The following SLC25A51 variants were observed in gnomAD, a reference collection of about 807,000 sequenced individuals.
SLC25A51 encodes the protein mitochondrial nicotinamide adenine dinucleotide transporter SLC25A51.
A neutral mutation model predicts 19.1 loss-of-function variants in SLC25A51; 11 were observed. The ratio of observed to expected loss-of-function variants is 0.58; its 90% CI spans 0.36 to 0.96. The LOEUF is 0.96. Among genes scored for constraint, SLC25A51 ranks in the 40% least tolerant of loss-of-function variants. The pLI is 0.01. For synonymous variants in SLC25A51, 105 were observed against 133.6 expected (o/e 0.79, Z 1.47); for missense variants, 201 against 365.4 (o/e 0.55, Z 3.67).
chr9:37,898,117 A>C (rs1159709202), intron 2 of SLC25A51, among the ~76,000 whole-genome samples: 1 of 152,206 alleles, frequency 6.6e-6, no homozygotes, highest in Non-Finnish European at 1.5e-5. Flanking sequence ...TTCCCATTAA[A>C]AATGGATTCC....
intron 1 of SLC25A51, among the ~76,000 whole-genome samples, chr9:37,902,985 C>T (rs1440804160): frequency 2.6e-5 from 4 of 152,194 alleles, no homozygotes; most frequent in African/African-American, 4.8e-5. Context: ...GTCCTAGTTA[C>T]GACACTAGCT....
chr9:37,900,855 T>A (rs1831831466), intron 1 of SLC25A51, among the ~76,000 whole-genome samples: 1 of 152,204 alleles, frequency 6.6e-6, no homozygotes, highest in Non-Finnish European at 1.5e-5. Context: ...TTACTATTTC[T>A]CAGTTTTGTT....
At chr9:37,880,359 T>C (rs373468758) in exon 4 of SLC25A51, 11 of 148,288 alleles carry the variant, frequency 7.4e-5, no homozygotes, top group African/African-American at 2.5e-4. Flanking sequence ...TGAAGGGAGA[T>C]AGGAACTGAG....
chr9:37,887,271 C>T (rs1339163877), downstream of SLC25A51, among the ~76,000 whole-genome samples: 4 of 150,752 alleles, frequency 2.7e-5, no homozygotes, highest in African/African-American at 9.8e-5. Flanking sequence ...GAGCCAAGAT[C>T]GTGCCACTGC....
chr9:37,888,688 A>G, intron 2 of SLC25A51, 96 bp from the exon 3 acceptor site: 1 of 981,854 alleles, frequency 1.0e-6, no homozygotes, highest in African/African-American at 1.6e-5. Flanking sequence ...TGGACACCAC[A>G]CTTTCCTTTT....
intron 1 of SLC25A51, among the ~76,000 whole-genome samples, chr9:37,902,815 T>C (rs1831876392): frequency 6.6e-6 from 1 of 152,236 alleles, no homozygotes; most frequent in Admixed American, 6.5e-5. Flanking sequence ...AACCTTATTA[T>C]AATTTACAGC....
downstream of SLC25A51, among the ~76,000 whole-genome samples, chr9:37,883,535 G>A (rs900585310): frequency 6.6e-6 from 1 of 152,230 alleles, no homozygotes; most frequent in Non-Finnish European, 1.5e-5. Flanking sequence ...CCTGTGTGGA[G>A]TGTAAAGACA....
downstream of SLC25A51, chr9:37,885,577 G>C (rs1831435284): frequency 2.9e-6 from 2 of 682,042 alleles, no homozygotes. Flanking sequence ...TTTTAGTAGA[G>C]ATGGGGTTTC....
downstream of SLC25A51, among the ~76,000 whole-genome samples, chr9:37,887,442 G>T (rs1831485329): frequency 6.6e-6 from 1 of 152,102 alleles, no homozygotes; most frequent in Non-Finnish European, 1.5e-5. Context: ...TTGAGAAGGG[G>T]TGAATAGAGG....
intron 1 of SLC25A51, among the ~76,000 whole-genome samples, chr9:37,902,496 G>C (rs1831868953): frequency 6.6e-6 from 1 of 152,336 alleles, no homozygotes; most frequent in East Asian, 1.9e-4. Context: ...CACCAGGATG[G>C]TGTGAATATG....
chr9:37,892,566 TA>T (rs1374154308), intron 2 of SLC25A51, among the ~76,000 whole-genome samples: 2 of 151,632 alleles, frequency 1.3e-5, no homozygotes. Context: ...ATTATATATA[TA>T]TATTTTTTTC....
At chr9:37,886,144 T>C, downstream of SLC25A51, 4 of 1,435,100 alleles carry the variant, frequency 2.8e-6, no homozygotes, top group Admixed American at 6.7e-5. Flanking sequence ...CCCTCACCAA[T>C]CAACTCCCTA....
chr9:37,879,162 G>C (rs1831306068), downstream of SLC25A51: 1 of 331,182 alleles, frequency 3.0e-6, no homozygotes, highest in African/African-American at 2.2e-5. Flanking sequence ...GAAATGCTGA[G>C]GATTAAAGCT....
chr9:37,883,686 T>C (rs917648158), downstream of SLC25A51, among the ~76,000 whole-genome samples: 3 of 151,900 alleles, frequency 2.0e-5, no homozygotes, highest in African/African-American at 7.3e-5. Flanking sequence ...ATTGAGGGGG[T>C]CAGGCACCAA....
At chr9:37,886,515 G>A, downstream of SLC25A51, 2 of 1,086,138 alleles carry the variant, frequency 1.8e-6, no homozygotes, top group East Asian at 5.2e-5. Context: ...GCAGTGCGCA[G>A]CTTCTGATTT....
rs1255524971 is a variant in SLC25A51, at chr9:37,888,603, T to C, written c.-42-11A>G. The C allele has an allele frequency of 1.9e-6, 3 of 1,542,398 alleles. No individual in the cohort carries two copies. Among genetic ancestry groups the C allele is most frequent in the East Asian group, 4.5e-5 (2 of 44,508 alleles). On this transcript the variant is annotated splice_polypyrimidine_tract_variant and intron_variant, in intron 2 of 2. Transcript: ENST00000242275. ...AGGACTTTTTTTAACCTACAAATAA[T>C]AAATGACAACGGGTAAACCCGTTTT... is the stretch of plus-strand genomic sequence containing the variant.
chr9:37,902,058 T>C (rs1014072190), intron 1 of SLC25A51, among the ~76,000 whole-genome samples: 1 of 152,234 alleles, frequency 6.6e-6, no homozygotes, highest in Non-Finnish European at 1.5e-5. Context: ...TTTATGAATG[T>C]CAAAACCATT....
Position 37,896,473 on chromosome 9 carries a change from T to C in SLC25A51, c.-43+3356A>G, listed in dbSNP as rs550512370. Among the ~76,000 whole-genome samples the C allele has an allele frequency of 7.2e-5, 11 of 152,302 alleles. No homozygotes were observed. The South Asian group carries it at 2.1e-3, about 29-fold the overall frequency. On this transcript the variant is annotated intron_variant, in intron 2 of 2. Coordinates refer to ENST00000242275, the MANE Select transcript of SLC25A51 (RefSeq NM_033412.4). ...TGTTGGTGTTTTATGGTGGAAGATGTATCCACAGAATGAGGCATATATATT... is the reference window on the plus strand; with the variant it reads ...TGTTGGTGTTTTATGGTGGAAGATGCATCCACAGAATGAGGCATATATATT...
At chr9:37,890,686 AC>A (rs1831563357) in intron 2 of SLC25A51, among the ~76,000 whole-genome samples, 1 of 148,042 alleles carries the variant, frequency 6.8e-6, no homozygotes, top group East Asian at 2.0e-4. Flanking sequence ...ACAGAGTAAT[AC>A]CCTGCTTTAA....
Sources: allele counts gnomAD v4.1 joint callset (sites outside exome capture counted in the v4.1 genomes callset), GRCh38; gene constraint gnomAD v4.1.1; transcripts MANE v1.5; gene names NCBI Gene and HGNC (gene_info 2026-07-23, HGNC 2026-07-21).